PACC1: variants seen among roughly 807,000 people sequenced by gnomAD.
The protein encoded by PACC1 is proton activated chloride channel 1, also known as proton-activated chloride channel.
A neutral mutation model predicts 39.7 loss-of-function variants in PACC1; 34 were observed. The ratio of observed to expected loss-of-function variants is 0.86; its 90% CI spans 0.65 to 1.14. The LOEUF (loss-of-function observed/expected upper bound fraction) is 1.14. PACC1 is among the 50% of genes most tolerant of loss of function. The pLI, the probability that PACC1 is intolerant of heterozygous loss-of-function variation, is 0.00. For synonymous variants in PACC1, 127 were observed against 160.6 expected, an observed-to-expected ratio of 0.79 and a Z score of 1.58; for missense variants, 379 against 436.4, an observed-to-expected ratio of 0.87 and a Z score of 1.17.
chr1:212,390,803 C>A (rs375289987), intron 2 of PACC1, among the ~76,000 whole-genome samples: 8 of 152,358 alleles, frequency 5.3e-5, no homozygotes, highest in Non-Finnish European at 1.0e-4. Context: ...TATCCCGCGC[C>A]TGGCTCAGAG....
At chr1:212,397,116 G>A (rs889434972) in intron 2 of PACC1, among the ~76,000 whole-genome samples, 50 of 152,018 alleles carry the variant, frequency 3.3e-4, no homozygotes, top group African/African-American at 1.2e-3. Context: ...ACACTAGATG[G>A]TAACTCTCAG....
chr1:212,367,914 G>A (rs1283181827), intron 7 of PACC1, among the ~76,000 whole-genome samples: 2 of 152,116 alleles, frequency 1.3e-5, no homozygotes, highest in Non-Finnish European at 2.9e-5. Context: ...TGACTAAAGT[G>A]GCCTTAAGCA....
chr1:212,414,424 T>A (rs1256472683), intron 1 of PACC1, among the ~76,000 whole-genome samples: 1 of 152,090 alleles, frequency 6.6e-6, no homozygotes. Context: ...GGGCCTCAGG[T>A]AGCTTCAATC....
At chr1:212,378,189 T>A (rs2102481935) in intron 5 of PACC1, among the ~76,000 whole-genome samples, 1 of 152,096 alleles carries the variant, frequency 6.6e-6, no homozygotes, top group South Asian at 2.1e-4. Flanking sequence ...GCCAGATGGG[T>A]CACCTACAGC....
chr1:212,379,218 C>T (rs1297836708), intron 5 of PACC1, among the ~76,000 whole-genome samples: 6 of 152,182 alleles, frequency 3.9e-5, no homozygotes, highest in Non-Finnish European at 7.4e-5. Flanking sequence ...GGTAGGATTA[C>T]AGGTGTGAGC....
chr1:212,406,477 C>T (rs1468206140), intron 2 of PACC1, among the ~76,000 whole-genome samples: 1 of 152,094 alleles, frequency 6.6e-6, no homozygotes, highest in African/African-American at 2.4e-5. Context: ...GATCGTGCCA[C>T]TGCACTGCAG....
At chr1:212,366,151 A>T (rs1660235449) in intron 7 of PACC1, among the ~76,000 whole-genome samples, 1 of 152,162 alleles carries the variant, frequency 6.6e-6, no homozygotes, top group Non-Finnish European at 1.5e-5. Flanking sequence ...TATTTATCCT[A>T]TGAATGCCCT....
chr1:212,402,718 G>A (rs914050743), intron 2 of PACC1, among the ~76,000 whole-genome samples: 2 of 152,114 alleles, frequency 1.3e-5, no homozygotes, highest in African/African-American at 4.8e-5. Context: ...GCAACAGCAC[G>A]ATCTTGGCTC....
At chr1:212,389,500 C>A (rs1661227630) in intron 2 of PACC1, among the ~76,000 whole-genome samples, 1 of 152,168 alleles carries the variant, frequency 6.6e-6, no homozygotes, top group Non-Finnish European at 1.5e-5. Context: ...CTATATCATT[C>A]ATAATGTCCA....
intron 5 of PACC1, among the ~76,000 whole-genome samples, chr1:212,378,282 C>A (rs954911627): frequency 6.6e-6 from 1 of 152,226 alleles, no homozygotes; most frequent in Non-Finnish European, 1.5e-5. Flanking sequence ...ACCGAGGAAG[C>A]TCACGAAAGG....
intron 1 of PACC1, 129 bp from the exon 2 acceptor site, chr1:212,410,650 T>C: frequency 1.2e-6 from 1 of 829,810 alleles, no homozygotes; most frequent in South Asian, 1.4e-5. Flanking sequence ...TAGAGTGTGT[T>C]ACAGCAATTT....
At chr1:212,413,392 T>C (rs1301259387) in intron 1 of PACC1, among the ~76,000 whole-genome samples, 1 of 152,170 alleles carries the variant, frequency 6.6e-6, no homozygotes, top group East Asian at 1.9e-4. Context: ...CAAAGGGAGA[T>C]ATGTACAGCA....
At chr1:212,380,115 A>T (rs1168480118) in intron 4 of PACC1, 78 bp from the exon 5 acceptor site, 7 of 1,495,360 alleles carry the variant, frequency 4.7e-6, no homozygotes, top group Non-Finnish European at 6.4e-6. Flanking sequence ...AGAAGTACTG[A>T]CTGGAAAGCC....
At position 212,407,568 on chromosome 1, in the gene PACC1, G is replaced by T. The variant is rs1661962123; in HGVS notation, c.133+2857C>A. 2.0e-5 allele frequency among the ~76,000 whole-genome samples: 3 copies of T among 152,222 alleles called. 1 individual carries two copies. Among genetic ancestry groups the T allele is most frequent in the Admixed American group, 2.0e-4 (3 of 15,292 alleles). On this transcript the variant is annotated intron_variant, in intron 2 of 7. Transcript: ENST00000261455. ...TTAGAGGCAATGCCTCATGTCAGAG[G>T]GAGGATTAGCCGTGCTACTATCTTT...
Position 212,386,102 on chromosome 1 carries a change from C to T in PACC1, c.344-677G>A, listed in dbSNP as rs976001342. Among the ~76,000 whole-genome samples the T allele has an allele frequency of 1.3e-5, 2 of 152,130 alleles. No individual in the cohort carries two copies. Among genetic ancestry groups the T allele is most frequent in the African/African-American group, 4.8e-5 (2 of 41,434 alleles). On this transcript the variant is annotated intron_variant, in intron 3 of 7. Coordinates refer to ENST00000261455, the MANE Select transcript of PACC1 (RefSeq NM_018252.3). This position sits in a 1 kb window ranked among gnomAD's most constrained non-coding sequence, Gnocchi z 5.0. ...GGCAGAGGAGCCATGACCAGCACAC[C>T]TGACTCTGCTGGAGGCTGGCAGGAA...
chr1:212,367,799 T>G (rs989735978), intron 7 of PACC1, among the ~76,000 whole-genome samples: 85 of 152,014 alleles, frequency 5.6e-4, no homozygotes, highest in African/African-American at 2.0e-3. Flanking sequence ...ATCCCCTAAT[T>G]ATAGGCTATT....
At chr1:212,400,059 T>A (rs1459006034) in intron 2 of PACC1, among the ~76,000 whole-genome samples, 1 of 152,136 alleles carries the variant, frequency 6.6e-6, no homozygotes, top group Non-Finnish European at 1.5e-5. Context: ...TTAGCCAGGC[T>A]GGTCTCAAAC....
chr1:212,410,109 G>A (rs372427430), intron 2 of PACC1: 27 of 318,576 alleles, frequency 8.5e-5, no homozygotes, highest in African/African-American at 3.8e-4. Flanking sequence ...TCTTTGACCC[G>A]GATATTAGAG....
At chr1:212,408,153 T>C (rs116023152) in intron 2 of PACC1, among the ~76,000 whole-genome samples, 1,644 of 151,844 alleles carry the variant, frequency 0.011, 36 homozygotes, top group African/African-American at 0.037. Context: ...CAGTCTGTGT[T>C]TACCAGCTAT....
Sources: allele counts gnomAD v4.1 joint callset (sites outside exome capture counted in the v4.1 genomes callset), GRCh38; gene constraint gnomAD v4.1.1; non-coding constraint Gnocchi (gnomAD v3.1); transcripts MANE v1.5; gene names NCBI Gene and HGNC (gene_info 2026-07-23, HGNC 2026-07-21).